SLC39A8: variants seen among roughly 807,000 people sequenced by gnomAD.
The protein encoded by SLC39A8 is metal cation symporter ZIP8.
SLC39A8 carries 15 observed loss-of-function variants against 40.4 expected under a neutral mutation model. The ratio of observed to expected loss-of-function variants is 0.37; its 90% CI spans 0.25 to 0.57. The LOEUF (loss-of-function observed/expected upper bound fraction) is 0.57, where lower values mean the gene tolerates loss of function less well. Ranked by LOEUF, SLC39A8 falls within the 20% of genes least tolerant of loss-of-function variation. The pLI is 0.75. For missense variants in SLC39A8, 472 were observed against 558.8 expected (o/e 0.84, Z 1.57); for synonymous variants, 223 against 221.6 (o/e 1.01, Z -0.06).
chr4:102,334,793 T>C (rs1009185651), intron 2 of SLC39A8, among the ~76,000 whole-genome samples: 5 of 152,168 alleles, frequency 3.3e-5, no homozygotes, highest in African/African-American at 9.7e-5. Flanking sequence ...TGGAATGGAA[T>C]ATGTGCTCTG....
chr4:102,320,168 C>CATATATATATATAT (rs70937533), intron 2 of SLC39A8, among the ~76,000 whole-genome samples: 1 of 101,928 alleles, frequency 9.8e-6, no homozygotes, highest in South Asian at 3.5e-4. Context: ...TATATATATA[C>CATATATATATATAT]ATATATATAT....
chr4:102,315,818 C>A lies in SLC39A8; in HGVS notation c.232G>T (p.Glu78Ter). 6.2e-7 allele frequency: 1 copy of A among 1,609,074 alleles called. No individual in the cohort carries two copies. The highest frequency in any genetic ancestry group is 1.1e-5 in the South Asian group (1 of 90,064). Residue 78 changes from glutamate to a stop codon, truncating the protein, a stop_gained, in exon 3 of 9, where the codon GAA becomes TAA. Coordinates refer to ENST00000356736, the MANE Select transcript of SLC39A8 (RefSeq NM_001135146.2). LOFTEE classifies it high-confidence loss of function. Reference protein sequence around the residue: ...QLHFNQCLTAEEIFSLHGFSN... With the variant: ...QLHFNQCLTA ...AAGCCATGAAGGGAAAAGATCTCTT[C>A]AGCAGTTAAACACTGAAATAGAATA... is the stretch of plus-strand genomic sequence containing the variant.
At chr4:102,320,179 A>ATG (rs1553916629) in intron 2 of SLC39A8, among the ~76,000 whole-genome samples, 1 of 99,802 alleles carries the variant, frequency 1.0e-5, no homozygotes, top group Non-Finnish European at 2.3e-5. Context: ...ATATATATAT[A>ATG]TATATATATA....
At chr4:102,301,701 C>T (rs1445275117) in intron 6 of SLC39A8, among the ~76,000 whole-genome samples, 6 of 152,002 alleles carry the variant, frequency 3.9e-5, no homozygotes, top group South Asian at 2.1e-4. Flanking sequence ...AGGATCATGT[C>T]GAGGGCCTCA....
intron 2 of SLC39A8, among the ~76,000 whole-genome samples, chr4:102,339,482 T>C (rs1287170423): frequency 6.6e-6 from 1 of 152,114 alleles, no homozygotes; most frequent in East Asian, 1.9e-4. Context: ...TCCACACACA[T>C]ACATACACTC....
intron 2 of SLC39A8, among the ~76,000 whole-genome samples, chr4:102,323,008 T>A (rs1398075009): frequency 6.6e-6 from 1 of 152,244 alleles, no homozygotes; most frequent in African/African-American, 2.4e-5. Context: ...GCTGTTGCTA[T>A]TCAGTAAGAA....
At chr4:102,299,244 C>T (rs170869) in intron 6 of SLC39A8, among the ~76,000 whole-genome samples, 25,747 of 151,544 alleles carry the variant, frequency 0.17, 2,546 homozygotes, top group Middle Eastern at 0.24. Context: ...GGTAGACAAG[C>T]CCCATGCATA....
chr4:102,276,804 T>C (rs1022144428), intron 6 of SLC39A8, among the ~76,000 whole-genome samples: 2 of 152,162 alleles, frequency 1.3e-5, no homozygotes, highest in Non-Finnish European at 2.9e-5. Context: ...TCAAGTAGGC[T>C]TCATCCCTGG....
intron 2 of SLC39A8, among the ~76,000 whole-genome samples, chr4:102,343,946 C>T (rs1736044578): frequency 6.6e-6 from 1 of 152,144 alleles, no homozygotes; most frequent in African/African-American, 2.4e-5. Flanking sequence ...CCCTGAATGC[C>T]TCATGTAATG....
intron 6 of SLC39A8, among the ~76,000 whole-genome samples, chr4:102,280,965 A>G (rs142876567): frequency 6.6e-6 from 1 of 152,332 alleles, no homozygotes; most frequent in Admixed American, 6.5e-5. Flanking sequence ...GTTTTCAAGA[A>G]ATCTGCTACT....
chr4:102,254,117 A>C (rs531926713), intron 11 of SLC39A8, among the ~76,000 whole-genome samples: 1 of 152,310 alleles, frequency 6.6e-6, no homozygotes, highest in South Asian at 2.1e-4. Flanking sequence ...CAAGTCAAAC[A>C]GTCAAATGTT....
intron 8 of SLC39A8, among the ~76,000 whole-genome samples, chr4:102,266,250 T>C (rs866653388): frequency 6.6e-6 from 1 of 152,206 alleles, no homozygotes; most frequent in South Asian, 2.1e-4. Flanking sequence ...ATTATTTCTT[T>C]AAACTGAACA....
In SLC39A8 at chr4:102,268,048, C is replaced by G. The variant is rs1560527180; in HGVS notation, c.872G>C (p.Cys291Ser). The G allele has an allele frequency of 1.9e-6, 3 of 1,614,166 alleles. No homozygotes were observed. Among genetic ancestry groups the G allele is most frequent in the East Asian group, 2.2e-5 (1 of 44,886 alleles). The change falls in exon 7 of 9, where the codon TGT becomes TCT. Residue 291 changes from cysteine (C) to serine (S), a missense_variant. Coordinates refer to ENST00000356736, the MANE Select transcript of SLC39A8 (RefSeq NM_001135146.2). ...TTCTGACAGTTTGGGCCCCTTCAAA[C>G]AGGTACATGAACTTGGCTCTTTTTT... ...DGKKEPSSCTCLKGPKLSEIG... is the reference protein window; with the variant it reads ...DGKKEPSSCTSLKGPKLSEIG...
intron 2 of SLC39A8, among the ~76,000 whole-genome samples, chr4:102,338,746 C>A (rs577715405): frequency 7.2e-5 from 11 of 152,318 alleles, no homozygotes; most frequent in African/African-American, 2.4e-4. Context: ...CTACCACTTA[C>A]TTCGTGACGT....
chr4:102,300,848 C>G (rs1016976657), intron 6 of SLC39A8, among the ~76,000 whole-genome samples: 27 of 151,770 alleles, frequency 1.8e-4, no homozygotes, highest in Non-Finnish European at 7.4e-5. Context: ...TATTGTAATA[C>G]TTACTCTCTT....
intron 8 of SLC39A8, among the ~76,000 whole-genome samples, chr4:102,264,499 G>C (rs1035495159): frequency 2.6e-5 from 4 of 152,164 alleles, no homozygotes; most frequent in African/African-American, 2.4e-5. Flanking sequence ...AATTCCTAAG[G>C]GCCCTAGGAT....
rs1252173408 is a variant in SLC39A8, at chr4:102,312,317, A to C, written c.382+3351T>G. Among the ~76,000 whole-genome samples, 4 of 152,076 alleles carry C rather than the reference A, an allele frequency of 2.6e-5. No individual in the cohort carries two copies. In the East Asian group the frequency reaches 7.8e-4, roughly 29 times the overall value. ...CAGCCTCATTTCAATTCCTAAGACA[A>C]TATGCACCCTAAGAGGCATTTCTCT... is the stretch of plus-strand genomic sequence containing the variant. On this transcript the variant is annotated intron_variant, in intron 3 of 8. Coordinates refer to ENST00000356736, the MANE Select transcript of SLC39A8 (RefSeq NM_001135146.2).
intron 2 of SLC39A8, among the ~76,000 whole-genome samples, chr4:102,320,247 ATATATATGAGTATATATATGAGAATAT>A (rs1289556091): frequency 3.6e-5 from 5 of 138,000 alleles, no homozygotes; most frequent in African/African-American, 8.0e-5. Context: ...ATATGAGAAT[ATATATATGAGTATATATATGAGAATAT>A]TATATATGAG....
At chr4:102,328,315 G>A (rs1052087192) in intron 2 of SLC39A8, among the ~76,000 whole-genome samples, 1 of 151,250 alleles carries the variant, frequency 6.6e-6, no homozygotes, top group African/African-American at 2.4e-5. Flanking sequence ...AATACAATGG[G>A]TGCTTCTCAG....
Sources: allele counts gnomAD v4.1 joint callset (sites outside exome capture counted in the v4.1 genomes callset), GRCh38; gene constraint gnomAD v4.1.1; transcripts MANE v1.5; gene names NCBI Gene and HGNC (gene_info 2026-07-23, HGNC 2026-07-21).